Variants in HMCN1 observed in about 807,000 individuals in gnomAD.
HMCN1 encodes the protein hemicentin 1.
HMCN1 carries 321 observed loss-of-function variants against 625.9 expected under a neutral mutation model. That is an observed-to-expected ratio of 0.51 (90% confidence interval 0.47 to 0.56). The LOEUF (loss-of-function observed/expected upper bound fraction) is 0.56. Ranked by LOEUF, HMCN1 falls within the 20% of genes least tolerant of loss-of-function variation. HMCN1 has a pLI of 0.00. For synonymous variants in HMCN1, 2,425 were observed against 2,417.6 expected (o/e 1.00, Z -0.09); for missense variants, 6,588 against 6,887.3 (o/e 0.96, Z 1.54).
intron 102 of HMCN1, among the ~76,000 whole-genome samples, chr1:186,172,818 C>A (rs901378237): frequency 6.6e-6 from 1 of 151,940 alleles, no homozygotes; most frequent in African/African-American, 2.4e-5. Context: ...CCCCTCCCCC[C>A]AAAAAAGCAA....
At chr1:185,817,075 A>C (rs1037279324) in intron 1 of HMCN1, among the ~76,000 whole-genome samples, 2 of 152,132 alleles carry the variant, frequency 1.3e-5, no homozygotes, top group African/African-American at 4.8e-5. Flanking sequence ...GTTTGCTTAG[A>C]GTTTATTCTG....
In HMCN1 at chr1:186,039,835, T is replaced by C. The variant is rs1330005311; in HGVS notation, c.6136T>C (p.Leu2046=). 1.9e-6 allele frequency: 3 copies of C among 1,613,422 alleles called. No individual in the cohort carries two copies. Among genetic ancestry groups the C allele is most frequent in the Non-Finnish European group, 2.5e-6 (3 of 1,179,618 alleles). Residue 2046 remains leucine, a synonymous_variant, in exon 39 of 107, where the codon TTG becomes CTG. Coordinates refer to ENST00000271588, the MANE Select transcript of HMCN1 (RefSeq NM_031935.3). ...RGIPAPSLTW[L]KDGSPVSSFS... is the part of the protein sequence containing the mutation. The stretch of plus-strand genomic sequence containing the variant: ...TATTCCTGCCCCAAGTCTGACCTGG[T>C]TGAAAGATGGGAGTCCTGTTTCTAG...
At chr1:185,937,828 T>C (rs993176138) in intron 11 of HMCN1, among the ~76,000 whole-genome samples, 5 of 150,722 alleles carry the variant, frequency 3.3e-5, no homozygotes, top group Non-Finnish European at 5.9e-5. Context: ...TTGCTGTGAG[T>C]CAAGATCACG....
chr1:185,920,593 G>C (rs1666952504), intron 6 of HMCN1, among the ~76,000 whole-genome samples: 1 of 151,988 alleles, frequency 6.6e-6, no homozygotes, highest in South Asian at 2.1e-4. Context: ...TAATTTATAA[G>C]GGGCTCCCTC....
chr1:185,784,864 A>T (rs1657451027), intron 1 of HMCN1, among the ~76,000 whole-genome samples: 1 of 152,132 alleles, frequency 6.6e-6, no homozygotes, highest in African/African-American at 2.4e-5. Flanking sequence ...TGTTCCTTTT[A>T]TGCCCCTTCT....
At chr1:185,847,654 A>G (rs556103182) in intron 2 of HMCN1, among the ~76,000 whole-genome samples, 3 of 152,192 alleles carry the variant, frequency 2.0e-5, no homozygotes, top group Non-Finnish European at 4.4e-5. Context: ...CAACTGTTAA[A>G]GAGTTCCTAT....
intron 35 of HMCN1, among the ~76,000 whole-genome samples, chr1:186,021,633 A>G (rs945006937): frequency 3.3e-5 from 5 of 152,124 alleles, no homozygotes; most frequent in African/African-American, 1.2e-4. Flanking sequence ...CATGTTTATA[A>G]CAGTATGAAT....
intron 1 of HMCN1, among the ~76,000 whole-genome samples, chr1:185,744,924 G>T (rs1254194142): frequency 2.0e-5 from 3 of 152,168 alleles, no homozygotes; most frequent in African/African-American, 7.2e-5. Flanking sequence ...AGAGCTGGGA[G>T]ATGAAATGTG....
At chr1:185,849,891 G>A (rs1450018687) in intron 2 of HMCN1, among the ~76,000 whole-genome samples, 4 of 148,752 alleles carry the variant, frequency 2.7e-5, no homozygotes, top group Non-Finnish European at 6.0e-5. Context: ...TCATTATTTT[G>A]CTACTTATTT....
intron 4 of HMCN1, among the ~76,000 whole-genome samples, chr1:185,898,367 C>T (rs1376766474): frequency 2.0e-5 from 3 of 152,106 alleles, no homozygotes; most frequent in Admixed American, 2.0e-4. Context: ...TCCATTACTT[C>T]CAGAGTCAGG....
intron 1 of HMCN1, among the ~76,000 whole-genome samples, chr1:185,745,152 C>A (rs565004466): frequency 6.6e-6 from 1 of 152,226 alleles, no homozygotes; most frequent in South Asian, 2.1e-4. Flanking sequence ...ACGTTACTCC[C>A]AGGCCAGTAA....
At chr1:186,027,701 T>C (rs1190523394) in intron 36 of HMCN1, among the ~76,000 whole-genome samples, 2 of 152,140 alleles carry the variant, frequency 1.3e-5, no homozygotes, top group African/African-American at 2.4e-5. Context: ...AAAACACATA[T>C]TTGATTTTTG....
chr1:186,043,292 G>T (rs896171348), intron 40 of HMCN1, among the ~76,000 whole-genome samples: 1 of 151,978 alleles, frequency 6.6e-6, no homozygotes, highest in African/African-American at 2.4e-5. Flanking sequence ...TAGAACTCTT[G>T]TTCTCTTCTC....
intron 28 of HMCN1, among the ~76,000 whole-genome samples, chr1:186,002,627 T>C (rs575847668): frequency 6.6e-6 from 1 of 152,120 alleles, no homozygotes; most frequent in Non-Finnish European, 1.5e-5. Flanking sequence ...CTCCCTTGAC[T>C]GAATTCCATC....
chr1:185,879,945 A>T (rs1253766423), intron 4 of HMCN1, among the ~76,000 whole-genome samples: 1 of 152,178 alleles, frequency 6.6e-6, no homozygotes, highest in Non-Finnish European at 1.5e-5. Context: ...ATAAATGAGG[A>T]AATAGTGGTG....
At chr1:185,955,423 T>C (rs1171495154) in intron 11 of HMCN1, among the ~76,000 whole-genome samples, 2 of 152,216 alleles carry the variant, frequency 1.3e-5, no homozygotes, top group Non-Finnish European at 1.5e-5. Context: ...GTGAGTACTA[T>C]GTATCTTCAA....
chr1:185,830,375 G>GT (rs1660784247), intron 1 of HMCN1, among the ~76,000 whole-genome samples: 1 of 152,064 alleles, frequency 6.6e-6, no homozygotes, highest in African/African-American at 2.4e-5. Context: ...GGTTTTTATG[G>GT]TTTTGGGTTT....
intron 1 of HMCN1, among the ~76,000 whole-genome samples, chr1:185,828,737 C>T (rs1660676448): frequency 6.6e-6 from 1 of 151,938 alleles, no homozygotes; most frequent in Non-Finnish European, 1.5e-5. Flanking sequence ...TTTTTAAAAA[C>T]TTCATCAAAT....
At chr1:186,024,968 G>A (rs1262530986) in intron 36 of HMCN1, among the ~76,000 whole-genome samples, 1 of 152,030 alleles carries the variant, frequency 6.6e-6, no homozygotes, top group Admixed American at 6.6e-5. Context: ...TTATTACATT[G>A]TAATATATAA....
Sources: gnomAD v4.1 joint callset for allele counts (sites outside exome capture counted in the v4.1 genomes callset) on GRCh38, gnomAD v4.1.1 for gene constraint, MANE v1.5 for transcripts, NCBI Gene and HGNC (gene_info 2026-07-23, HGNC 2026-07-21) for gene names.